ZNF175: variants seen among roughly 807,000 people sequenced by gnomAD.
ZNF175 encodes the protein zinc finger protein 175.
Under a neutral mutation model 14.0 loss-of-function variants are expected in ZNF175, and 8 were observed. The ratio of observed to expected loss-of-function variants is 0.57; its 90% CI spans 0.34 to 1.03. The LOEUF (loss-of-function observed/expected upper bound fraction) is 1.03, where lower values mean the gene tolerates loss of function less well. Ranked by LOEUF, ZNF175 falls within the 50% of genes least tolerant of loss-of-function variation. The pLI, the probability that ZNF175 is intolerant of heterozygous loss-of-function variation, is 0.03. For missense variants in ZNF175, 764 were observed against 849.5 expected (o/e 0.90, Z 1.25); for synonymous variants, 255 against 296.8 (o/e 0.86, Z 1.45).
Position 51,592,419 on chromosome 19 carries a change from C to T in ZNF175, c.*3952C>T, listed in dbSNP as rs1982380995. 2 of 482,322 alleles carry T rather than the reference C, an allele frequency of 4.1e-6. No individual in the cohort carries two copies. Among genetic ancestry groups the T allele is most frequent in the South Asian group, 4.0e-5 (1 of 24,968 alleles). 29.9% of individuals were successfully genotyped at this position (482,322 alleles called of 1,614,324 possible). On this transcript the variant is annotated 3_prime_UTR_variant, in exon 5 of 5. Coordinates refer to ENST00000262259, the MANE Select transcript of ZNF175 (RefSeq NM_007147.4). ...GTCAAGCATTAGAATGGTGGCTGTC[C>T]ACCATGAGTACAACACAAATGCTCG...
At chr19:51,572,768 G>T (rs1981638132) in intron 1 of ZNF175, among the ~76,000 whole-genome samples, 2 of 152,160 alleles carry the variant, frequency 1.3e-5, no homozygotes, top group Non-Finnish European at 2.9e-5. Flanking sequence ...TAATGCCCAT[G>T]ATATTTAGCT....
chr19:51,584,193 G>A (rs547804055), intron 4 of ZNF175, among the ~76,000 whole-genome samples: 2 of 152,292 alleles, frequency 1.3e-5, no homozygotes, highest in South Asian at 2.1e-4. Context: ...GGGAAGCATG[G>A]ATAGCAAATG....
intron 4 of ZNF175, among the ~76,000 whole-genome samples, chr19:51,584,342 G>C (rs1057429991): frequency 6.6e-6 from 1 of 152,190 alleles, no homozygotes; most frequent in Non-Finnish European, 1.5e-5. Flanking sequence ...AGCTTAATGG[G>C]AATAGAGGAC....
intron 1 of ZNF175, among the ~76,000 whole-genome samples, chr19:51,571,724 T>G (rs898453969): frequency 6.6e-6 from 1 of 152,190 alleles, no homozygotes; most frequent in East Asian, 1.9e-4. Flanking sequence ...TAAGAGCGCC[T>G]TTGCGGATGG....
At position 51,587,836 on chromosome 19, in the gene ZNF175, C is replaced by T; in HGVS notation, c.1505C>T (p.Pro502Leu). 1 of 1,614,090 alleles carries T rather than the reference C, an allele frequency of 6.2e-7. No individual in the cohort carries two copies. Among genetic ancestry groups the T allele is most frequent in the Non-Finnish European group, 8.5e-7 (1 of 1,180,010 alleles). ...CATCGAATTCATACAGGGGAGAAAC[C>T]TTATGAATGCAGTGACTGTGGAAAA... ...IHHRIHTGEK[P>L]YECSDCGKTF... The change falls in exon 5 of 5, where the codon CCT becomes CTT. Residue 502 changes from proline (P) to leucine (L), a missense_variant. Physicochemically the swap from Pro to Leu is moderately conservative, Grantham distance 98. Coordinates refer to ENST00000262259, the MANE Select transcript of ZNF175 (RefSeq NM_007147.4).
rs1699387653 is a variant in ZNF175 at position 51,587,350 on chromosome 19, G to C, written c.1019G>C (p.Cys340Ser). ...GATATACCCTGTATATGCAAGGAAT[G>C]TGGGAAGGTCTTTATTCAGAGATCA... Reference protein sequence around the residue: ...TGDIPCICKECGKVFIQRSEL... With the variant: ...TGDIPCICKESGKVFIQRSEL... The change falls in exon 5 of 5, where the codon TGT becomes TCT. Residue 340 changes from cysteine (C) to serine (S), a missense_variant. Transcript: ENST00000262259. 6.2e-7 allele frequency: 1 copy of C among 1,614,054 alleles called. No individual in the cohort carries two copies. The highest frequency in any genetic ancestry group is 8.5e-7 in the Non-Finnish European group (1 of 1,180,030).
chr19:51,587,001 G>T lies in ZNF175; in HGVS notation c.670G>T (p.Asp224Tyr). 6.2e-7 allele frequency: 1 copy of T among 1,614,192 alleles called. No homozygotes were observed. The highest frequency in any genetic ancestry group is 8.5e-7 in the Non-Finnish European group (1 of 1,180,006). The change falls in exon 5 of 5, where the codon GAT (aspartate) becomes TAT (tyrosine). Residue 224 changes from aspartate (D) to tyrosine (Y), a missense_variant. By Grantham distance (160) the Asp-to-Tyr change is radical. Transcript: ENST00000262259. ...TGAAAGCAATGACACAGAACAGCTT[G>T]ATGACGTTGTTGGGTCTGGTCAGCT... ...QNESNDTEQL[D>Y]DVVGSGQLFS... is the part of the protein sequence containing the mutation.
At chr19:51,585,504 TA>T (rs565350551) in intron 4 of ZNF175, among the ~76,000 whole-genome samples, 94 of 152,188 alleles carry the variant, frequency 6.2e-4, no homozygotes, top group African/African-American at 2.1e-3. Flanking sequence ...CAATAAAGAT[TA>T]AAAGTGTCCT....
chr19:51,571,524 G>A (rs1981585216), intron 1 of ZNF175, 49 bp downstream of exon 1: 1 of 152,488 alleles, frequency 6.6e-6, no homozygotes, highest in South Asian at 2.1e-4. Context: ...TTCTGGGGTG[G>A]GTGATGGGTG....
chr19:51,580,338 G>A (rs1252784990), intron 2 of ZNF175, among the ~76,000 whole-genome samples: 1 of 152,052 alleles, frequency 6.6e-6, no homozygotes, highest in Non-Finnish European at 1.5e-5. Context: ...CTCTCCTTGT[G>A]ATAAAATTGA....
intron 2 of ZNF175, among the ~76,000 whole-genome samples, chr19:51,579,720 T>C (rs566386931): frequency 3.3e-5 from 5 of 152,316 alleles, no homozygotes; most frequent in East Asian, 3.9e-4. Context: ...AAGGCGAGCA[T>C]GTTTTTCCCA....
intron 2 of ZNF175, among the ~76,000 whole-genome samples, chr19:51,578,210 A>T (rs1981873324): frequency 6.6e-6 from 1 of 150,998 alleles, no homozygotes; most frequent in Admixed American, 6.6e-5. Flanking sequence ...CAGCCTGGCC[A>T]ACATGGTGAA....
At chr19:51,572,063 A>G (rs1256936309) in intron 1 of ZNF175, among the ~76,000 whole-genome samples, 2 of 151,960 alleles carry the variant, frequency 1.3e-5, no homozygotes, top group African/African-American at 4.9e-5. Flanking sequence ...TGGACATGGT[A>G]AGGATCAGTA....
intron 2 of ZNF175, chr19:51,573,609 T>C: frequency 1.8e-6 from 1 of 552,004 alleles, no homozygotes; most frequent in Non-Finnish European, 3.1e-6. Flanking sequence ...AGGGTTGGCC[T>C]TGGGTCAAGA....
At chr19:51,579,760 C>G (rs1912302863) in intron 2 of ZNF175, among the ~76,000 whole-genome samples, 1 of 152,156 alleles carries the variant, frequency 6.6e-6, no homozygotes, top group Non-Finnish European at 1.5e-5. Flanking sequence ...TGGGTATATG[C>G]CCAACATCTG....
At chr19:51,582,520 A>T (rs565521206) in intron 4 of ZNF175, among the ~76,000 whole-genome samples, 1 of 152,284 alleles carries the variant, frequency 6.6e-6, no homozygotes, top group South Asian at 2.1e-4. Context: ...GATGGTCTCG[A>T]TCTCCTGACC....
chr19:51,573,068 A>G, intron 1 of ZNF175, 82 bp from the exon 2 acceptor site: 2 of 462,620 alleles, frequency 4.3e-6, no homozygotes, highest in Non-Finnish European at 7.5e-6. Flanking sequence ...TGTCTGACAC[A>G]GTGACTTCAC....
Position 51,587,613 on chromosome 19 carries a change from T to G in ZNF175, c.1282T>G (p.Phe428Val). The G allele has an allele frequency of 6.2e-7, 1 of 1,614,120 alleles. No homozygotes were observed. The highest frequency in any genetic ancestry group is 1.1e-5 in the South Asian group (1 of 91,080). ...TGCATGCAGTGAATGTGGGAAAGCC[T>G]TTACCCAGAAGTCAACACTCAGCTT... ...QYACSECGKA[F>V]TQKSTLSLHQ... Residue 428 changes from phenylalanine to valine, a missense_variant, in exon 5 of 5, where the codon TTT becomes GTT. By Grantham distance (50) the Phe-to-Val change is conservative. Coordinates refer to ENST00000262259, the MANE Select transcript of ZNF175 (RefSeq NM_007147.4).
rs199745969 is a variant in ZNF175 at position 51,587,977 on chromosome 19, A to G, written c.1646A>G (p.His549Arg). The G allele has an allele frequency of 6.2e-7, 1 of 1,614,260 alleles. No homozygotes were observed. The highest frequency in any genetic ancestry group is 8.5e-7 in the Non-Finnish European group (1 of 1,180,036). ...AFNQKSILSMHQRIHTGEKPY... is the reference protein window; with the variant it reads ...AFNQKSILSMRQRIHTGEKPY... ...AACCAGAAGTCAATACTCAGCATGC[A>G]TCAGAGAATTCACACCGGAGAGAAG... Residue 549 changes from histidine (H) to arginine (R), a missense_variant, in exon 5 of 5, where the codon CAT (histidine) becomes CGT (arginine). Physicochemically the swap from His to Arg is conservative, Grantham distance 29 (BLOSUM62 0). Coordinates refer to ENST00000262259, the MANE Select transcript of ZNF175 (RefSeq NM_007147.4).
Sources: gnomAD v4.1 joint callset for allele counts (sites outside exome capture counted in the v4.1 genomes callset) on GRCh38, gnomAD v4.1.1 for gene constraint, MANE v1.5 for transcripts, NCBI Gene and HGNC (gene_info 2026-07-23, HGNC 2026-07-21) for gene names.